Variants in CTIF observed in about 807,000 individuals in gnomAD.
CTIF encodes CBP80/20-dependent translation initiation factor.
Under a neutral mutation model 66.0 loss-of-function variants are expected in CTIF, and 21 were observed. The ratio of observed to expected loss-of-function variants is 0.32; its 90% confidence interval spans 0.23 to 0.46. The LOEUF is 0.46. CTIF is among the 20% of genes least tolerant of loss of function. The pLI is 1.00. For synonymous variants in CTIF, 345 were observed against 326.4 expected, an observed-to-expected ratio of 1.06 and a Z score of -0.62; for missense variants, 739 against 812.7, an observed-to-expected ratio of 0.91 and a Z score of 1.10.
At chr18:48,828,469 C>T (rs2068626981) in intron 10 of CTIF, among the ~76,000 whole-genome samples, 1 of 152,204 alleles carries the variant, frequency 6.6e-6, no homozygotes, top group Non-Finnish European at 1.5e-5. Context: ...GCCCTGCTGA[C>T]CCCCAGTGAA....
At chr18:48,732,033 G>A (rs2092461015) in intron 7 of CTIF, among the ~76,000 whole-genome samples, 1 of 152,246 alleles carries the variant, frequency 6.6e-6, no homozygotes, top group South Asian at 2.1e-4. Context: ...GCCAATTCTT[G>A]TTGTAGGTTA....
intron 10 of CTIF, among the ~76,000 whole-genome samples, chr18:48,840,423 A>G (rs1230913540): frequency 6.6e-6 from 1 of 152,224 alleles, no homozygotes; most frequent in African/African-American, 2.4e-5. Context: ...TCACATGCTC[A>G]TTCATCCAAA....
intron 10 of CTIF, among the ~76,000 whole-genome samples, chr18:48,833,263 TTGCTTGGCTAACGC>T (rs2146468649): frequency 6.6e-6 from 1 of 152,306 alleles, no homozygotes; most frequent in Admixed American, 6.5e-5. Flanking sequence ...GAGTTGAGAC[TTGCTTGGCTAACGC>T]TGCAGGCGGG....
intron 3 of CTIF, among the ~76,000 whole-genome samples, chr18:48,638,711 A>C (rs1040663975): frequency 1.3e-5 from 2 of 152,386 alleles, no homozygotes; most frequent in African/African-American, 4.8e-5. Flanking sequence ...GCAGCTGAGC[A>C]GTTGACTCGG....
chr18:48,668,848 G>A (rs912491479), intron 5 of CTIF, among the ~76,000 whole-genome samples: 11 of 152,086 alleles, frequency 7.2e-5, no homozygotes, highest in African/African-American at 2.2e-4. Flanking sequence ...GCTCTACTGT[G>A]GGGGGTGATT....
intron 1 of CTIF, among the ~76,000 whole-genome samples, chr18:48,608,482 G>A (rs1054942191): frequency 1.3e-5 from 2 of 152,046 alleles, no homozygotes; most frequent in African/African-American, 2.4e-5. Flanking sequence ...ATCGAAAGTG[G>A]TGGGGGGGTG....
At chr18:48,775,642 G>T (rs1281085085) in intron 9 of CTIF, among the ~76,000 whole-genome samples, 2 of 152,276 alleles carry the variant, frequency 1.3e-5, no homozygotes, top group East Asian at 1.9e-4. Context: ...ATAAAGGGGG[G>T]CAGGGCCAGC....
At chr18:48,720,896 G>A (rs773854178) in intron 7 of CTIF, among the ~76,000 whole-genome samples, 1 of 152,170 alleles carries the variant, frequency 6.6e-6, no homozygotes, top group Admixed American at 6.5e-5. Context: ...ACCTTCCCCC[G>A]ATCCCCATGC....
intron 5 of CTIF, among the ~76,000 whole-genome samples, chr18:48,669,227 G>C (rs2091484195): frequency 6.6e-6 from 1 of 152,080 alleles, no homozygotes; most frequent in East Asian, 1.9e-4. Context: ...AAACAGAAGA[G>C]ATGCTTGGTA....
At chr18:48,662,175 G>A (rs2091357452) in intron 3 of CTIF, 1 of 152,410 alleles carries the variant, frequency 6.6e-6, no homozygotes. Context: ...CACATTCGGA[G>A]AGGGCAAGAG....
chr18:48,575,290 C>T (rs973768326), intron 1 of CTIF, among the ~76,000 whole-genome samples: 2 of 152,186 alleles, frequency 1.3e-5, no homozygotes, highest in African/African-American at 4.8e-5. Context: ...TGCTTTGCCC[C>T]CCGACAGCTG....
At chr18:48,551,956 C>G (rs1599129079) in intron 1 of CTIF, among the ~76,000 whole-genome samples, 1 of 152,242 alleles carries the variant, frequency 6.6e-6, no homozygotes, top group East Asian at 1.9e-4. Context: ...CGCCACCACG[C>G]CCAGCTAATT....
intron 1 of CTIF, among the ~76,000 whole-genome samples, chr18:48,602,854 G>A (rs867139613): frequency 3.5e-5 from 4 of 115,638 alleles, no homozygotes; most frequent in East Asian, 2.0e-4. Context: ...TGGATGAATG[G>A]ATGGATGGAT....
intron 7 of CTIF, among the ~76,000 whole-genome samples, chr18:48,733,989 A>C (rs1400842459): frequency 6.6e-6 from 1 of 152,238 alleles, no homozygotes; most frequent in Non-Finnish European, 1.5e-5. Context: ...GCTCAATAAA[A>C]GGGATATTTG....
chr18:48,849,298 A>G lies in CTIF; in HGVS notation c.1528-8290A>G, dbSNP rs148322167. On this transcript the variant is annotated intron_variant, in intron 10 of 11. Coordinates refer to ENST00000256413, the MANE Select transcript of CTIF (RefSeq NM_014772.3). ...CTGCAACCTCTGCGACCTGGGTTCAAGCGATTCTCCTGCCTCAGCATCCCA... is the reference window on the plus strand; with the variant it reads ...CTGCAACCTCTGCGACCTGGGTTCAGGCGATTCTCCTGCCTCAGCATCCCA... Among the ~76,000 whole-genome samples the G allele has an allele frequency of 3.6e-4, 53 of 149,056 alleles. 1 individual carries two copies. The East Asian group carries it at 7.9e-3, about 22-fold the overall frequency.
intron 1 of CTIF, among the ~76,000 whole-genome samples, chr18:48,598,788 A>G (rs922766872): frequency 6.6e-6 from 1 of 152,222 alleles, no homozygotes; most frequent in Non-Finnish European, 1.5e-5. Context: ...AGTATTCAGC[A>G]TGGGCCAAAA....
chr18:48,605,394 C>T (rs560139123), intron 1 of CTIF, among the ~76,000 whole-genome samples: 6 of 152,282 alleles, frequency 3.9e-5, no homozygotes, highest in African/African-American at 1.2e-4. Context: ...GGCCTTATAT[C>T]CCCTCCTTCT....
intron 10 of CTIF, among the ~76,000 whole-genome samples, chr18:48,853,232 C>CTATAT (rs1305608749): frequency 2.3e-4 from 35 of 152,208 alleles, no homozygotes; most frequent in African/African-American, 8.2e-4. Flanking sequence ...AATAGGCAAA[C>CTATAT]AAGTATATAA....
At chr18:48,835,922 A>G (rs139480434) in intron 10 of CTIF, among the ~76,000 whole-genome samples, 2,488 of 151,866 alleles carry the variant, frequency 0.016, 54 homozygotes, top group African/African-American at 0.057. Flanking sequence ...CATCCATCCA[A>G]AGGGGGCTCC....
Sources: allele counts gnomAD v4.1 joint callset (sites outside exome capture counted in the v4.1 genomes callset), GRCh38; gene constraint gnomAD v4.1.1; transcripts MANE v1.5; gene names NCBI Gene and HGNC (gene_info 2026-07-23, HGNC 2026-07-21).